FCRL2: variants seen among roughly 807,000 people sequenced by gnomAD.
FCRL2 encodes Fc receptor-like protein 2.
A neutral mutation model predicts 59.8 loss-of-function variants in FCRL2; 48 were observed. That is an observed-to-expected ratio of 0.80 (90% CI 0.64 to 1.02). The LOEUF is 1.02. FCRL2 is among the 50% of genes least tolerant of loss of function. FCRL2 has a pLI of 0.00. For synonymous variants in FCRL2, 251 were observed against 229.5 expected (o/e 1.09, Z -0.85); for missense variants, 658 against 597.3 (o/e 1.10, Z -1.06).
chr1:157,760,553 G>A (rs549289176), intron 7 of FCRL2, among the ~76,000 whole-genome samples: 46 of 151,664 alleles, frequency 3.0e-4, no homozygotes, highest in Non-Finnish European at 5.2e-4. Flanking sequence ...GCTTGAACCC[G>A]GGAGGTGGAA....
At chr1:157,776,332 C>T (rs182484274) in intron 1 of FCRL2, among the ~76,000 whole-genome samples, 10 of 152,232 alleles carry the variant, frequency 6.6e-5, no homozygotes, top group East Asian at 1.9e-4. Flanking sequence ...TACAATGGTG[C>T]GATCTTGGCT....
At position 157,770,267 on chromosome 1, in the gene FCRL2, C is replaced by G. The variant is rs1649897758; in HGVS notation, c.311-117G>C. 4 of 1,439,962 alleles carry G rather than the reference C, an allele frequency of 2.8e-6. No homozygotes were observed. The Admixed American group carries it at 8.1e-5, about 29-fold the overall frequency. The allele number at this position is 1,439,962 out of a possible 1,614,324, so 89.2% of individuals were successfully genotyped here. A position where few individuals can be genotyped will look rare whatever the true frequency, so the allele number is the denominator to read the frequency against. ...ACATTCAGAGCTAGACACCTCTCAC[C>G]CATCATGGCTCCTTTGATGATCAAA... On this transcript the variant is annotated intron_variant, in intron 3 of 11. Transcript: ENST00000361516.
intron 7 of FCRL2, among the ~76,000 whole-genome samples, chr1:157,758,665 C>A (rs1320790376): frequency 1.0e-4 from 4 of 39,972 alleles, no homozygotes; most frequent in East Asian, 8.0e-4. Flanking sequence ...CCCAAATAGC[C>A]AAAGCAGTCC....
chr1:157,759,830 A>T (rs546039659), intron 7 of FCRL2, among the ~76,000 whole-genome samples: 17 of 152,350 alleles, frequency 1.1e-4, no homozygotes, highest in African/African-American at 4.1e-4. Flanking sequence ...GGAACAATTA[A>T]CACATTGTTG....
Position 157,748,874 on chromosome 1 carries a change from C to T in FCRL2, c.1393+1G>A, listed in dbSNP as rs1235145265. ...GAGCCCTTCCCAGTGGAGACACTCA[C>T]CATTGACATACACTGGCTGCAGCTC... is the stretch of plus-strand genomic sequence containing the variant. On this transcript the variant is annotated splice_donor_variant, in intron 9 of 11. Transcript: ENST00000361516. LOFTEE classifies it high-confidence loss of function. 1.2e-6 allele frequency: 2 copies of T among 1,613,078 alleles called. No homozygotes were observed. The highest frequency in any genetic ancestry group is 1.3e-5 in the African/African-American group (1 of 74,886).
intron 6 of FCRL2, 119 bp downstream of exon 6, chr1:157,767,112 G>C: frequency 7.3e-7 from 1 of 1,371,160 alleles, no homozygotes; most frequent in South Asian, 1.4e-5. Context: ...AGTGTGGGGA[G>C]AAGAGAAGCC....
Position 157,770,402 on chromosome 1 carries a change from GT to G in FCRL2, c.310+6del. The G allele has an allele frequency of 4.4e-6, 7 of 1,579,070 alleles. No individual in the cohort carries two copies. Among genetic ancestry groups the G allele is most frequent in the Non-Finnish European group, 5.2e-6 (6 of 1,156,562 alleles). On this transcript the variant is annotated splice_donor_region_variant and intron_variant, in intron 3 of 11. Coordinates refer to ENST00000361516, the MANE Select transcript of FCRL2 (RefSeq NM_030764.4). ...CCCAGCCCATCCCACAGAAGTCAGGGTTTTACCTTGGACTTTTATCTTTACT... is the reference window on the plus strand; with the variant it reads ...CCCAGCCCATCCCACAGAAGTCAGGGTTTACCTTGGACTTTTATCTTTACT...
intron 8 of FCRL2, among the ~76,000 whole-genome samples, chr1:157,749,356 C>CA (rs1648009027): frequency 6.6e-6 from 1 of 151,924 alleles, no homozygotes; most frequent in African/African-American, 2.4e-5. Context: ...AAATATCTAA[C>CA]AAAAACTTAC....
Position 157,746,565 on chromosome 1 carries a change from G to A in FCRL2, c.*171C>T, listed in dbSNP as rs1026118807. On this transcript the variant is annotated 3_prime_UTR_variant, in exon 12 of 12. Coordinates refer to ENST00000361516, the MANE Select transcript of FCRL2 (RefSeq NM_030764.4). ...GTTCAATGAATATTGATAGGTAAAA[G>A]AAGATATTGGAGAAGAAACATCATC... is the stretch of plus-strand genomic sequence containing the variant. The A allele has an allele frequency of 9.6e-6, 6 of 622,048 alleles. No homozygotes were observed. Among genetic ancestry groups the A allele is most frequent in the Non-Finnish European group, 1.7e-5 (6 of 348,570 alleles). The allele number at this position is 622,048 out of a possible 1,614,324, so 38.5% of individuals were successfully genotyped here. A position where few individuals can be genotyped will look rare whatever the true frequency, so the allele number is the denominator to read the frequency against.
At chr1:157,748,447 A>G (rs1189163595) in intron 10 of FCRL2, 106 bp downstream of exon 10, 1 of 389,734 alleles carries the variant, frequency 2.6e-6, no homozygotes. Context: ...TAGACAAATA[A>G]ATAAATAAAT....
At chr1:157,754,053 A>G (rs1000119805) in intron 7 of FCRL2, among the ~76,000 whole-genome samples, 1 of 118,620 alleles carries the variant, frequency 8.4e-6, no homozygotes, top group Non-Finnish European at 1.9e-5. Context: ...TTCAGTACCT[A>G]TTGAAGAATA....
In FCRL2 at chr1:157,748,978, A is replaced by G; in HGVS notation, c.1308-18T>C. 2 of 1,605,924 alleles carry G rather than the reference A, an allele frequency of 1.2e-6. No individual in the cohort carries two copies. The highest frequency in any genetic ancestry group is 1.7e-6 in the Non-Finnish European group (2 of 1,172,796). On this transcript the variant is annotated intron_variant, in intron 8 of 11. Coordinates refer to ENST00000361516, the MANE Select transcript of FCRL2 (RefSeq NM_030764.4). ...AAGCCCCTCTGTGAGAAAGTGAATT[A>G]ATTGTATGATAATCCCCAGGGCAGT...
intron 7 of FCRL2, among the ~76,000 whole-genome samples, chr1:157,753,166 T>C (rs138196257): frequency 8.1e-4 from 123 of 151,986 alleles, no homozygotes; most frequent in African/African-American, 2.9e-3. Context: ...GTGTGTGGGG[T>C]TTTTCTTCCC....
At chr1:157,767,539 G>T (rs1223004559) in intron 5 of FCRL2, 30 bp from the exon 6 acceptor site, 1 of 1,614,262 alleles carries the variant, frequency 6.2e-7, no homozygotes, top group Non-Finnish European at 8.5e-7. Context: ...TATCAGAAAA[G>T]ATTTGTGATG....
At chr1:157,760,715 G>T (rs199989388) in intron 7 of FCRL2, among the ~76,000 whole-genome samples, 8,203 of 132,374 alleles carry the variant, frequency 0.062, 277 homozygotes, top group Non-Finnish European at 0.069. Flanking sequence ...AAGAAAGAAA[G>T]AAAGAAAGAA....
At chr1:157,766,694 C>T in intron 7 of FCRL2, 161 bp downstream of exon 7, 1 of 1,121,482 alleles carries the variant, frequency 8.9e-7, no homozygotes, top group Non-Finnish European at 1.3e-6. Flanking sequence ...AGTATGACCA[C>T]ATTGAGCATT....
Position 157,768,482 on chromosome 1 carries a change from T to G in FCRL2, c.815A>C (p.Lys272Thr). ...IPAVKESDAG[K>T]YYCRADNGHV... ...GCCGTTGTCAGCTCTACAGTAATAT[T>G]TGCCGGCATCACTCTCTTTCACAGC... is the stretch of plus-strand genomic sequence containing the variant. The change falls in exon 5 of 12, where the codon AAA (lysine) becomes ACA (threonine). Residue 272 changes from lysine (K) to threonine (T), a missense_variant. Coordinates refer to ENST00000361516, the MANE Select transcript of FCRL2 (RefSeq NM_030764.4). The G allele has an allele frequency of 6.2e-7, 1 of 1,614,212 alleles. No individual in the cohort carries two copies. The highest frequency in any genetic ancestry group is 1.1e-5 in the South Asian group (1 of 91,086).
At chr1:157,770,277 T>C in intron 3 of FCRL2, 127 bp from the exon 4 acceptor site, 1 of 1,444,570 alleles carries the variant, frequency 6.9e-7, no homozygotes, top group Non-Finnish European at 9.4e-7. Flanking sequence ...CCATCATGGC[T>C]CCTTTGATGA....
chr1:157,767,021 C>G (rs948818534), intron 6 of FCRL2, 50 bp from the exon 7 acceptor site: 37 of 1,514,242 alleles, frequency 2.4e-5, no homozygotes, highest in Non-Finnish European at 3.0e-5. Context: ...GACTTGGGCC[C>G]TTCTTATAAA....
Sources: gnomAD v4.1 joint callset for allele counts (sites outside exome capture counted in the v4.1 genomes callset) on GRCh38, gnomAD v4.1.1 for gene constraint, MANE v1.5 for transcripts, NCBI Gene and HGNC (gene_info 2026-07-23, HGNC 2026-07-21) for gene names.